The following WDFY4 variants were observed in gnomAD, a reference collection of about 807,000 sequenced individuals.
WDFY4 encodes WD repeat- and FYVE domain-containing protein 4.
Under a neutral mutation model 351.9 loss-of-function variants are expected in WDFY4, and 169 were observed. The observed-to-expected ratio is 0.48, with a 90% CI of 0.42 to 0.55. WDFY4 has a LOEUF of 0.55. WDFY4 is among the 20% of genes least tolerant of loss of function. WDFY4 has a pLI of 0.00. For missense variants in WDFY4, 3,803 were observed against 3,935.6 expected, an observed-to-expected ratio of 0.97 and a Z score of 0.90; for synonymous variants, 1,622 against 1,574.6, an observed-to-expected ratio of 1.03 and a Z score of -0.71.
intron 13 of WDFY4, among the ~76,000 whole-genome samples, chr10:48,772,178 G>C (rs1056728548): frequency 6.6e-6 from 1 of 152,184 alleles, no homozygotes; most frequent in East Asian, 1.9e-4. Flanking sequence ...GGGAAGGAGA[G>C]TGAGGGAAGC....
intron 10 of WDFY4, among the ~76,000 whole-genome samples, chr10:48,734,737 A>T (rs1348601904): frequency 6.6e-6 from 1 of 151,332 alleles, no homozygotes; most frequent in African/African-American, 2.4e-5. Flanking sequence ...TCACAGCCAG[A>T]CCTTTAATTA....
At chr10:48,745,994 A>G (rs560599417) in intron 12 of WDFY4, 28 of 174,702 alleles carry the variant, frequency 1.6e-4, no homozygotes, top group Admixed American at 1.3e-3. Flanking sequence ...TTATTTCTGT[A>G]GAAATTGTCA....
intron 1 of WDFY4, among the ~76,000 whole-genome samples, chr10:48,709,413 CA>C (rs1182833509): frequency 0.06 from 24 of 398 alleles, 5 homozygotes; most frequent in African/African-American, 0.063. Flanking sequence ...GACTCCGTCT[CA>C]AAAAAAAAAA....
At chr10:48,927,610 T>C (rs1164084417) in intron 47 of WDFY4, among the ~76,000 whole-genome samples, 2 of 152,230 alleles carry the variant, frequency 1.3e-5, no homozygotes, top group African/African-American at 4.8e-5. Flanking sequence ...TTTATAGCTT[T>C]GTCTGCCCCT....
chr10:48,828,888 T>G lies in WDFY4; in HGVS notation c.6332T>G (p.Leu2111Trp). Residue 2111 changes from leucine to tryptophan, a missense_variant, in exon 37 of 62, where the codon TTG becomes TGG. Physicochemically the swap from Leu to Trp is moderately conservative, Grantham distance 61. Transcript: ENST00000325239. ...VKEKREDLPS[L>W]SDVQHNIQKT... is the part of the protein sequence containing the mutation. ...GAAAAAAGAGAAGACTTACCAAGTT[T>G]GAGTGATGGTACATTTTATTTGTCA... 1 of 1,259,236 alleles carries G rather than the reference T, an allele frequency of 7.9e-7. No individual in the cohort carries two copies. Among genetic ancestry groups the G allele is most frequent in the African/African-American group, 1.8e-5 (1 of 54,856 alleles). The allele number at this position is 1,259,236 out of a possible 1,614,324, so 78.0% of individuals were successfully genotyped here. A position where few individuals can be genotyped will look rare whatever the true frequency, so the allele number is the denominator to read the frequency against.
At chr10:48,935,321 C>G (rs1037601360) in intron 47 of WDFY4, 2 of 152,250 alleles carry the variant, frequency 1.3e-5, no homozygotes, top group African/African-American at 4.8e-5. Flanking sequence ...CTAAGACACT[C>G]TAATTTCCCG....
chr10:48,939,493 C>T (rs1446707763), intron 47 of WDFY4, among the ~76,000 whole-genome samples: 1 of 152,228 alleles, frequency 6.6e-6, no homozygotes, highest in Non-Finnish European at 1.5e-5. Flanking sequence ...ACAGCCAGAG[C>T]TCTTTCTCAG....
intron 39 of WDFY4, among the ~76,000 whole-genome samples, chr10:48,856,686 G>A (rs1481968904): frequency 6.6e-6 from 1 of 152,160 alleles, no homozygotes; most frequent in Non-Finnish European, 1.5e-5. Flanking sequence ...GTTAAAATGT[G>A]TTGATCTATC....
intron 12 of WDFY4, among the ~76,000 whole-genome samples, chr10:48,751,411 A>G (rs1589520989): frequency 1.3e-5 from 2 of 152,338 alleles, no homozygotes; most frequent in South Asian, 2.1e-4. Context: ...ATGGATGGGC[A>G]GAGATGATGG....
chr10:48,788,541 G>T lies in WDFY4; in HGVS notation c.3820G>T (p.Asp1274Tyr). 6.4e-7 allele frequency: 1 copy of T among 1,552,114 alleles called. No homozygotes were observed. Among genetic ancestry groups the T allele is most frequent in the Non-Finnish European group, 8.7e-7 (1 of 1,147,052 alleles). ...ATGTGTTGTTACAGGGGAGGACCTG[G>T]ACAGTGAAGCCACGCCCTTTGTTGC... ...QAVHVQGEDL[D>Y]SEATPFVAEE... is the part of the protein sequence containing the mutation. The change falls in exon 21 of 62, where the codon GAC becomes TAC. Residue 1274 changes from aspartate (D) to tyrosine (Y), a missense_variant. Transcript: ENST00000325239.
intron 39 of WDFY4, among the ~76,000 whole-genome samples, chr10:48,852,315 C>T (rs926891665): frequency 2.6e-5 from 4 of 152,230 alleles, no homozygotes; most frequent in Admixed American, 6.5e-5. Flanking sequence ...AGTCACTTAT[C>T]CTCACTTGGC....
intron 35 of WDFY4, among the ~76,000 whole-genome samples, chr10:48,822,980 A>G (rs968742523): frequency 6.6e-6 from 1 of 152,234 alleles, no homozygotes; most frequent in African/African-American, 2.4e-5. Context: ...GGAGACAGGC[A>G]TCTATTTTAA....
chr10:48,790,967 C>A (rs1231626731), intron 23 of WDFY4, 50 bp downstream of exon 23: 1 of 1,541,314 alleles, frequency 6.5e-7, no homozygotes, highest in African/African-American at 1.4e-5. Context: ...GGGCTGTCAT[C>A]CCTGGGAAAC....
intron 47 of WDFY4, among the ~76,000 whole-genome samples, chr10:48,927,409 G>A (rs1399690889): frequency 6.6e-6 from 1 of 152,162 alleles, no homozygotes; most frequent in Non-Finnish European, 1.5e-5. Context: ...AGTTTGTCCA[G>A]GCTCACACAG....
In WDFY4 at chr10:48,958,051, C is replaced by G. The variant is rs564234645; in HGVS notation, c.8131+769C>G. Among the ~76,000 whole-genome samples the G allele has an allele frequency of 5.3e-5, 8 of 152,292 alleles. No homozygotes were observed. In the South Asian group the frequency reaches 1.2e-3, roughly 24 times the overall value. ...TGCATACCTCGGGCTCTAGAGCCCCCCCTCGTCAGTGTTCTCCTTCTGCCT... is the reference window on the plus strand; with the variant it reads ...TGCATACCTCGGGCTCTAGAGCCCCGCCTCGTCAGTGTTCTCCTTCTGCCT... On this transcript the variant is annotated intron_variant, in intron 52 of 61. Coordinates refer to ENST00000325239, the MANE Select transcript of WDFY4 (RefSeq NM_001394531.1).
chr10:48,738,594 A>G (rs929413307), intron 11 of WDFY4, among the ~76,000 whole-genome samples: 3 of 152,226 alleles, frequency 2.0e-5, no homozygotes, highest in Non-Finnish European at 4.4e-5. Context: ...AACCTCTTCC[A>G]GACTCGCCCA....
chr10:48,789,225 AAAC>A (rs1295344955), intron 21 of WDFY4, among the ~76,000 whole-genome samples: 1 of 152,170 alleles, frequency 6.6e-6, no homozygotes, highest in Non-Finnish European at 1.5e-5. Context: ...TAAATTTTCA[AAAC>A]AACAAGGAGA....
Position 48,810,518 on chromosome 10 carries a change from A to G in WDFY4, c.4839-12A>G. 1.9e-6 allele frequency: 3 copies of G among 1,547,656 alleles called. No individual in the cohort carries two copies. Among genetic ancestry groups the G allele is most frequent in the Non-Finnish European group, 2.6e-6 (3 of 1,145,580 alleles). On this transcript the variant is annotated splice_polypyrimidine_tract_variant and intron_variant, in intron 28 of 61. Coordinates refer to ENST00000325239, the MANE Select transcript of WDFY4 (RefSeq NM_001394531.1). ...GACTGAGAGAACATTGGTTGCATTTATTAATCCCCAGGTCAAAGGAAGAGA... is the reference window on the plus strand; with the variant it reads ...GACTGAGAGAACATTGGTTGCATTTGTTAATCCCCAGGTCAAAGGAAGAGA...
At chr10:48,902,003 A>G (rs749116682) in intron 47 of WDFY4, 140 bp downstream of exon 47, 27 of 774,062 alleles carry the variant, frequency 3.5e-5, no homozygotes, top group South Asian at 2.8e-4. Flanking sequence ...CTATTCCTAT[A>G]CATCCTTCAT....
Sources: gnomAD v4.1 joint callset for allele counts (sites outside exome capture counted in the v4.1 genomes callset) on GRCh38, gnomAD v4.1.1 for gene constraint, MANE v1.5 for transcripts, NCBI Gene and HGNC (gene_info 2026-07-23, HGNC 2026-07-21) for gene names.